The following PNLDC1 variants were observed in gnomAD, a reference collection of about 807,000 sequenced individuals.
PNLDC1 encodes PARN like ribonuclease domain containing exonuclease 1, also known as poly(A)-specific ribonuclease PNLDC1.
A neutral mutation model predicts 82.0 loss-of-function variants in PNLDC1; 70 were observed. That is an observed-to-expected ratio of 0.85 (90% CI 0.70 to 1.04). The LOEUF is 1.04. PNLDC1 is among the 50% of genes least tolerant of loss of function. The probability of loss-of-function intolerance (pLI) is 0.00; values close to 1 mark genes in which losing one functional copy is unlikely to be tolerated. For synonymous variants in PNLDC1, 280 were observed against 249.3 expected (o/e 1.12, Z -1.16); for missense variants, 631 against 661.1 (o/e 0.95, Z 0.50).
intron 12 of PNLDC1, among the ~76,000 whole-genome samples, chr6:159,814,232 A>G (rs2115051949): frequency 6.6e-6 from 1 of 152,318 alleles, no homozygotes; most frequent in Non-Finnish European, 1.5e-5. Context: ...GTCCCCAGTC[A>G]GCAGGACGAG....
Position 159,810,113 on chromosome 6 carries a change from A to G in PNLDC1, c.853+18A>G, listed in dbSNP as rs778640402. 1.2e-6 allele frequency: 2 copies of G among 1,606,134 alleles called. No homozygotes were observed. The highest frequency in any genetic ancestry group is 1.7e-6 in the Non-Finnish European group (2 of 1,172,818). ...CCTCCCAGGTAGGGGCAAACCTGTC[A>G]TTTCTCTTCCTTCACGCTAGTTTGC... On this transcript the variant is annotated intron_variant, in intron 10 of 18. Transcript: ENST00000392167.
intron 7 of PNLDC1, among the ~76,000 whole-genome samples, chr6:159,806,387 C>G (rs985590361): frequency 3.9e-5 from 6 of 152,194 alleles, no homozygotes; most frequent in African/African-American, 1.2e-4. Flanking sequence ...TTGTTAATCA[C>G]TAAGCTTTTC....
At chr6:159,803,477 T>C in intron 4 of PNLDC1, 167 bp downstream of exon 4, 3 of 629,554 alleles carry the variant, frequency 4.8e-6, no homozygotes. Flanking sequence ...TTCCAGCTTG[T>C]CTTTGATGTC....
chr6:159,811,310 TTACTA>T (rs530732391), intron 10 of PNLDC1, among the ~76,000 whole-genome samples: 63 of 152,316 alleles, frequency 4.1e-4, no homozygotes, highest in African/African-American at 1.5e-3. Flanking sequence ...TCAGGACACT[TTACTA>T]GTTATAATTT....
Position 159,800,304 on chromosome 6 carries a change from G to T in PNLDC1, c.-4G>T. Reference sequence around the variant, plus strand: ...GCTGGGCGACTCCGCGGAGCTGCACGGCCATGGACGTGGGCGCCGACGAGT... The same window carrying T: ...GCTGGGCGACTCCGCGGAGCTGCACTGCCATGGACGTGGGCGCCGACGAGT... On this transcript the variant is annotated 5_prime_UTR_variant, in exon 1 of 19. Coordinates refer to ENST00000392167, the MANE Select transcript of PNLDC1 (RefSeq NM_001271862.2). 1 of 1,545,900 alleles carries T rather than the reference G, an allele frequency of 6.5e-7. No homozygotes were observed. Among genetic ancestry groups the T allele is most frequent in the Non-Finnish European group, 8.7e-7 (1 of 1,144,876 alleles).
intron 16 of PNLDC1, 117 bp downstream of exon 16, chr6:159,818,771 CTGGGTT>C: frequency 8.3e-7 from 1 of 1,208,248 alleles, no homozygotes; most frequent in Non-Finnish European, 1.2e-6. Flanking sequence ...GAGATGAGAG[CTGGGTT>C]TTTCTTTCCT....
intron 1 of PNLDC1, 189 bp from the exon 2 acceptor site, chr6:159,800,583 C>A: frequency 1.3e-6 from 2 of 1,487,108 alleles, no homozygotes; most frequent in Non-Finnish European, 1.8e-6. Context: ...CCCTTGTTGG[C>A]CAGAGCCCCG....
chr6:159,801,526 A>G (rs1451239330), intron 3 of PNLDC1, among the ~76,000 whole-genome samples: 1 of 152,176 alleles, frequency 6.6e-6, no homozygotes. Context: ...AGCTCACTGC[A>G]GCCTAGACTT....
chr6:159,800,913 G>T (rs1176738652), intron 2 of PNLDC1, 84 bp downstream of exon 2: 36 of 1,595,628 alleles, frequency 2.3e-5, no homozygotes, highest in Admixed American at 1.0e-4. Flanking sequence ...GGCATTTGGG[G>T]GGCAGGACGT....
In PNLDC1 at chr6:159,819,293, C is replaced by T; in HGVS notation, c.1473C>T (p.Thr491=). The change falls in exon 18 of 19, where the codon ACC becomes ACT. Residue 491 remains threonine (T), a synonymous_variant. Coordinates refer to ENST00000392167, the MANE Select transcript of PNLDC1 (RefSeq NM_001271862.2). The surrounding 1 kb of genome is among the most constrained non-coding windows in gnomAD (Gnocchi z 4.6). ...NILKEYRDHP[T]LCISLYRYWR... ...TGAAGGAGTACCGGGACCACCCGACCCTGTGCATCTCCCTGTACCGCTACT... is the reference window on the plus strand; with the variant it reads ...TGAAGGAGTACCGGGACCACCCGACTCTGTGCATCTCCCTGTACCGCTACT... 1.2e-6 allele frequency: 2 copies of T among 1,613,996 alleles called. No individual in the cohort carries two copies. Among genetic ancestry groups the T allele is most frequent in the Non-Finnish European group, 1.7e-6 (2 of 1,180,024 alleles).
intron 14 of PNLDC1, 69 bp from the exon 15 acceptor site, chr6:159,817,040 A>G: frequency 7.0e-7 from 1 of 1,430,444 alleles, no homozygotes; most frequent in Non-Finnish European, 9.8e-7. Flanking sequence ...GCTTGCACAT[A>G]ATGAGATAAA....
chr6:159,816,088 C>T (rs952452972), intron 13 of PNLDC1, 55 bp downstream of exon 13: 3 of 1,495,290 alleles, frequency 2.0e-6, no homozygotes, highest in Middle Eastern at 1.7e-4. Flanking sequence ...CTGAGGTGCT[C>T]AGCTGAGCTT....
chr6:159,818,114 G>A lies in PNLDC1; in HGVS notation c.1158-441G>A, dbSNP rs996666502. On this transcript the variant is annotated intron_variant, in intron 15 of 18. Coordinates refer to ENST00000392167, the MANE Select transcript of PNLDC1 (RefSeq NM_001271862.2). ...TGTCTGTGTGGCCCGTGGTTTTGCC[G>A]GGGCCCTGCGCTCAGGTGTGTGTGC... Among the ~76,000 whole-genome samples, 11 of 152,288 alleles carry A rather than the reference G, an allele frequency of 7.2e-5. No individual in the cohort carries two copies. In the Middle Eastern group the frequency reaches 0.01, roughly 141 times the overall value.
chr6:159,820,326 G>A (rs781029770), intron 18 of PNLDC1, 128 bp from the exon 19 acceptor site: 30 of 866,606 alleles, frequency 3.5e-5, no homozygotes, highest in Non-Finnish European at 5.4e-5. Flanking sequence ...CAGTGTTGTC[G>A]TCGGGAGAGT....
intron 10 of PNLDC1, 108 bp downstream of exon 10, chr6:159,810,203 C>T (rs1781601028): frequency 4.2e-6 from 4 of 963,236 alleles, no homozygotes; most frequent in East Asian, 2.5e-5. Flanking sequence ...CCCATTCCTC[C>T]CCAGTGTCTG....
At chr6:159,811,400 T>C (rs1410773854) in intron 10 of PNLDC1, among the ~76,000 whole-genome samples, 1 of 152,208 alleles carries the variant, frequency 6.6e-6, no homozygotes, top group Non-Finnish European at 1.5e-5. Context: ...TGATAATACT[T>C]CTATTTTTAA....
At chr6:159,815,294 C>T (rs946859790) in intron 12 of PNLDC1, among the ~76,000 whole-genome samples, 4 of 152,214 alleles carry the variant, frequency 2.6e-5, no homozygotes, top group South Asian at 2.1e-4. Flanking sequence ...TACCCCACAC[C>T]GCCCCTTGAG....
intron 12 of PNLDC1, 87 bp downstream of exon 12, chr6:159,813,743 C>A: frequency 8.3e-7 from 1 of 1,205,806 alleles, no homozygotes; most frequent in Non-Finnish European, 1.2e-6. Context: ...TCTAGGCGTG[C>A]CCACCATTCA....
intron 15 of PNLDC1, 26 bp downstream of exon 15, chr6:159,817,177 C>T (rs2115059713): frequency 1.3e-6 from 2 of 1,598,472 alleles, no homozygotes; most frequent in Non-Finnish European, 8.6e-7. Context: ...TTTCATCCTA[C>T]TGTTCAATCG....
Sources: gnomAD v4.1 joint callset for allele counts (sites outside exome capture counted in the v4.1 genomes callset) on GRCh38, gnomAD v4.1.1 for gene constraint, Gnocchi (gnomAD v3.1) non-coding constraint, MANE v1.5 for transcripts, NCBI Gene and HGNC (gene_info 2026-07-23, HGNC 2026-07-21) for gene names.